CDH12: variants seen among roughly 807,000 people sequenced by gnomAD.
The protein encoded by CDH12 is cadherin-12.
In CDH12, 41 loss-of-function variants were observed where a neutral mutation model predicts 74.1. The observed-to-expected ratio is 0.55, with a 90% confidence interval of 0.43 to 0.72. The LOEUF (loss-of-function observed/expected upper bound fraction) is 0.72. CDH12 is among the 30% of genes least tolerant of loss of function. The pLI is 0.00. For synonymous variants in CDH12, 399 were observed against 355.0 expected, an observed-to-expected ratio of 1.12 and a Z score of -1.39; for missense variants, 945 against 977.2, an observed-to-expected ratio of 0.97 and a Z score of 0.44.
chr5:22,023,724 G>A (rs1211423118), intron 5 of CDH12, among the ~76,000 whole-genome samples: 1 of 152,094 alleles, frequency 6.6e-6, no homozygotes, highest in Non-Finnish European at 1.5e-5. Context: ...ATTAAAACAA[G>A]CTTGGGTAAC....
In CDH12 at chr5:21,756,019, G is replaced by A. The variant is rs895823202; in HGVS notation, c.1634-177C>T. On this transcript the variant is annotated intron_variant, in intron 13 of 14. Transcript: ENST00000382254. ...AAATATAATCAAAATAATCCTTAGA[G>A]GAAAAACAAACATTAATCTTGTCTG... 3.3e-5 allele frequency among the ~76,000 whole-genome samples: 5 copies of A among 151,836 alleles called. No individual in the cohort carries two copies. In the South Asian group the frequency reaches 1.0e-3, roughly 31 times the overall value.
chr5:22,327,661 C>G (rs142656162), intron 3 of CDH12, among the ~76,000 whole-genome samples: 298 of 152,286 alleles, frequency 2.0e-3, no homozygotes, highest in African/African-American at 6.6e-3. Context: ...ACTTTTACCT[C>G]TTACTACTCC....
At chr5:22,750,819 G>C (rs996453837) in intron 1 of CDH12, among the ~76,000 whole-genome samples, 20 of 151,834 alleles carry the variant, frequency 1.3e-4, no homozygotes, top group African/African-American at 3.6e-4. Flanking sequence ...TTGACACCCG[G>C]ATAGGTGGCT....
chr5:21,841,780 T>C (rs1268066157), intron 8 of CDH12, among the ~76,000 whole-genome samples: 1 of 148,368 alleles, frequency 6.7e-6, no homozygotes, highest in East Asian at 2.0e-4. Context: ...ACACCACATA[T>C]TCTCACTCAT....
chr5:22,643,028 C>T (rs1463771117), intron 1 of CDH12, among the ~76,000 whole-genome samples: 1 of 152,140 alleles, frequency 6.6e-6, no homozygotes, highest in African/African-American at 2.4e-5. Flanking sequence ...CTTTACTTCA[C>T]AATGTGCCTA....
At chr5:22,739,663 G>C (rs982582062) in intron 1 of CDH12, among the ~76,000 whole-genome samples, 3 of 152,054 alleles carry the variant, frequency 2.0e-5, no homozygotes, top group Non-Finnish European at 4.4e-5. Context: ...ATCTCCGGAA[G>C]TTATTTATTA....
At position 22,050,102 on chromosome 5, in the gene CDH12, G is replaced by A. The variant is rs554307203; in HGVS notation, c.231+28344C>T. 7.0e-4 allele frequency among the ~76,000 whole-genome samples: 106 copies of A among 152,102 alleles called. 2 individuals carry two copies. In the South Asian group the frequency reaches 0.02, roughly 29 times the overall value. On this transcript the variant is annotated intron_variant, in intron 5 of 14. Transcript: ENST00000382254. The stretch of plus-strand genomic sequence containing the variant: ...GTGCTTCTTCCGATATTCTGAACAT[G>A]TTAGAGTTTCCTCAAAAGTCCATAT...
chr5:22,174,683 G>A (rs887464456), intron 4 of CDH12, among the ~76,000 whole-genome samples: 1 of 151,854 alleles, frequency 6.6e-6, no homozygotes, highest in African/African-American at 2.4e-5. Context: ...TTATCTTGAG[G>A]ACAAGTAAAG....
At chr5:22,313,116 A>G (rs971483986) in intron 3 of CDH12, among the ~76,000 whole-genome samples, 1 of 152,152 alleles carries the variant, frequency 6.6e-6, no homozygotes, top group Non-Finnish European at 1.5e-5. Flanking sequence ...GTTTGCAGAC[A>G]TTACTCCCCT....
intron 3 of CDH12, among the ~76,000 whole-genome samples, chr5:22,388,671 T>C (rs931800261): frequency 2.0e-5 from 3 of 152,200 alleles, no homozygotes; most frequent in Non-Finnish European, 2.9e-5. Context: ...CAAAATACAC[T>C]TAATTCTAAA....
At chr5:22,187,535 C>T (rs62349139) in intron 4 of CDH12, among the ~76,000 whole-genome samples, 55,278 of 149,680 alleles carry the variant, frequency 0.37, 11,725 homozygotes, top group East Asian at 0.73. Flanking sequence ...AGCTGATTTC[C>T]TTCACTTTCA....
intron 5 of CDH12, among the ~76,000 whole-genome samples, chr5:21,999,268 A>G (rs929368874): frequency 6.6e-6 from 1 of 152,116 alleles, no homozygotes; most frequent in Non-Finnish European, 1.5e-5. Context: ...ACATACTTTT[A>G]TCTTGGTCTT....
chr5:21,824,931 A>C (rs541391814), intron 8 of CDH12, among the ~76,000 whole-genome samples: 4 of 152,274 alleles, frequency 2.6e-5, no homozygotes, highest in Admixed American at 2.6e-4. Flanking sequence ...AGAGGGGCCG[A>C]TCACCTGAGC....
intron 3 of CDH12, among the ~76,000 whole-genome samples, chr5:22,241,768 T>C (rs1166892616): frequency 1.3e-5 from 2 of 151,994 alleles, no homozygotes; most frequent in Non-Finnish European, 1.5e-5. Flanking sequence ...TATACACATA[T>C]ACTTTATAAA....
intron 8 of CDH12, among the ~76,000 whole-genome samples, chr5:21,822,552 T>C (rs559704377): frequency 9.9e-5 from 15 of 151,996 alleles, no homozygotes; most frequent in Non-Finnish European, 1.8e-4. Context: ...GAAAGAACTA[T>C]CCTGATAACA....
At chr5:22,293,883 A>C (rs1205226967) in intron 3 of CDH12, among the ~76,000 whole-genome samples, 2 of 152,186 alleles carry the variant, frequency 1.3e-5, no homozygotes, top group African/African-American at 4.8e-5. Flanking sequence ...ACAAAATCTC[A>C]GTTACATAGA....
chr5:21,828,884 C>T (rs1748834911), intron 8 of CDH12, among the ~76,000 whole-genome samples: 1 of 136,830 alleles, frequency 7.3e-6, no homozygotes, highest in African/African-American at 2.7e-5. Flanking sequence ...CATTTGTATG[C>T]TTACAACCCT....
intron 3 of CDH12, among the ~76,000 whole-genome samples, chr5:22,267,766 G>A (rs1220358293): frequency 2.0e-5 from 3 of 151,944 alleles, no homozygotes; most frequent in African/African-American, 7.2e-5. Flanking sequence ...AGAAGTGAAG[G>A]CTTTTCCCTC....
chr5:21,938,717 A>AATATATATATATATATAT (rs1554046002), intron 6 of CDH12, among the ~76,000 whole-genome samples: 4 of 106,694 alleles, frequency 3.7e-5, no homozygotes, highest in African/African-American at 1.4e-4. Flanking sequence ...TTATATATAT[A>AATATATATATATATATAT]ATATACATAT....
Sources: gnomAD v4.1 joint callset for allele counts (sites outside exome capture counted in the v4.1 genomes callset) on GRCh38, gnomAD v4.1.1 for gene constraint, MANE v1.5 for transcripts, NCBI Gene and HGNC (gene_info 2026-07-23, HGNC 2026-07-21) for gene names.